The following CDH19 variants were observed in gnomAD, a reference collection of about 807,000 sequenced individuals.
CDH19 encodes the protein cadherin-19.
Under a neutral mutation model 64.2 loss-of-function variants are expected in CDH19, and 67 were observed. That is an observed-to-expected ratio of 1.04 (90% CI 0.86 to 1.28). The LOEUF (loss-of-function observed/expected upper bound fraction) is 1.28, where lower values mean the gene tolerates loss of function less well. Ranked by LOEUF, CDH19 falls within the 50% of genes most tolerant of loss-of-function variation. The probability of loss-of-function intolerance (pLI) is 0.00; values close to 1 mark genes in which losing one functional copy is unlikely to be tolerated. For synonymous variants in CDH19, 346 were observed against 319.3 expected (o/e 1.08, Z -0.89); for missense variants, 1,030 against 929.0 (o/e 1.11, Z -1.41).
In CDH19 at chr18:66,511,637, G is replaced by A. The variant is rs1985491482; in HGVS notation, c.1507C>T (p.His503Tyr). 1 of 1,578,740 alleles carries A rather than the reference G, an allele frequency of 6.3e-7. No individual in the cohort carries two copies. ...AVDRDESIEE[H>Y]HFYFNLSVED... ...ACAGATAGATTAAAGTAAAAATGGT[G>A]CTCTTCTATGGATTCATCTCTATCC... The change falls in exon 10 of 12, where the codon CAC (histidine) becomes TAC (tyrosine). Residue 503 changes from histidine to tyrosine, a missense_variant. His to Tyr is a moderately conservative substitution (Grantham distance 83). Coordinates refer to ENST00000262150, the MANE Select transcript of CDH19 (RefSeq NM_021153.4).
intron 1 of CDH19, among the ~76,000 whole-genome samples, chr18:66,578,460 A>G (rs866828974): frequency 3.9e-5 from 6 of 152,036 alleles, no homozygotes; most frequent in Middle Eastern, 3.4e-3. Flanking sequence ...AATATAATTA[A>G]AAGACTGACC....
chr18:66,515,435 A>C (rs1309788459), intron 9 of CDH19, among the ~76,000 whole-genome samples: 6 of 151,812 alleles, frequency 4.0e-5, no homozygotes, highest in African/African-American at 7.2e-5. Flanking sequence ...ATAATACACT[A>C]ATAGAAGTAG....
intron 8 of CDH19, among the ~76,000 whole-genome samples, chr18:66,532,980 G>A (rs1986514370): frequency 6.6e-6 from 1 of 151,882 alleles, no homozygotes; most frequent in Admixed American, 6.6e-5. Flanking sequence ...CACATAAAAA[G>A]GTGAGATTTC....
At chr18:66,562,522 A>C (rs1277700309) in intron 3 of CDH19, among the ~76,000 whole-genome samples, 1 of 151,772 alleles carries the variant, frequency 6.6e-6, no homozygotes, top group Non-Finnish European at 1.5e-5. Context: ...CCTGCTGCTC[A>C]CCTCCTGCTG....
chr18:66,532,827 T>C, intron 8 of CDH19: 1 of 413,280 alleles, frequency 2.4e-6, no homozygotes, highest in Non-Finnish European at 4.8e-6. Context: ...ATAAAACCAC[T>C]TAGCAAATAC....
At chr18:66,596,105 T>A (rs888932898) in intron 1 of CDH19, 3 of 152,106 alleles carry the variant, frequency 2.0e-5, no homozygotes, top group Admixed American at 2.0e-4. Flanking sequence ...TCTGATAACA[T>A]TTAATATCTC....
chr18:66,597,407 C>T lies in CDH19; in HGVS notation c.-113+6547G>A, dbSNP rs181060349. On this transcript the variant is annotated intron_variant, in intron 1 of 11. Transcript: ENST00000262150. ...GCTGGGATAACTGGCTAGGCATATT[C>T]AGAAGATTTAAACTGGACCCCTTCC... Among the ~76,000 whole-genome samples, 381 of 152,096 alleles carry T rather than the reference C, an allele frequency of 2.5e-3. 1 individual carries two copies. The highest frequency in any genetic ancestry group is 8.9e-3 in the African/African-American group (368 of 41,508).
chr18:66,568,440 T>G lies in CDH19; in HGVS notation c.466A>C (p.Ile156Leu). ...CCTTCTGGAGACATCTCTGGTACAA[T>G]GGCCTCATAAGGTTCATCTAGGAAT... The part of the protein sequence containing the change: ...PKFLDEPYEA[I>L]VPEMSPEGTL... Residue 156 changes from isoleucine (I) to leucine (L), a missense_variant, in exon 3 of 12, where the codon ATT becomes CTT. Coordinates refer to ENST00000262150, the MANE Select transcript of CDH19 (RefSeq NM_021153.4). 1.2e-6 allele frequency: 2 copies of G among 1,611,644 alleles called. No homozygotes were observed. The highest frequency in any genetic ancestry group is 1.7e-6 in the Non-Finnish European group (2 of 1,178,526).
At chr18:66,517,558 G>A (rs1293114776) in intron 9 of CDH19, among the ~76,000 whole-genome samples, 2 of 151,856 alleles carry the variant, frequency 1.3e-5, no homozygotes, top group Non-Finnish European at 1.5e-5. Context: ...CAAAAATTTT[G>A]TTTACCCACA....
chr18:66,512,813 T>G (rs2156354), intron 9 of CDH19, among the ~76,000 whole-genome samples: 35,182 of 151,288 alleles, frequency 0.23, 4,363 homozygotes, highest in Middle Eastern at 0.32. Flanking sequence ...GGGCAGGGGC[T>G]TGGAAACCCA....
chr18:66,547,661 G>GTTTTTTTTTT (rs71169155), intron 5 of CDH19, among the ~76,000 whole-genome samples: 1 of 80,148 alleles, frequency 1.2e-5, no homozygotes, highest in Non-Finnish European at 2.3e-5. Context: ...TGTGTGTTAG[G>GTTTTTTTTTT]TTTTTTTTTT....
chr18:66,571,407 T>C (rs77841075), intron 2 of CDH19, among the ~76,000 whole-genome samples: 2,222 of 151,802 alleles, frequency 0.015, 51 homozygotes, highest in African/African-American at 0.051. Context: ...GGACATGATA[T>C]TGTAATCACC....
intron 9 of CDH19, among the ~76,000 whole-genome samples, chr18:66,520,550 T>C (rs1276094886): frequency 6.6e-6 from 1 of 152,008 alleles, no homozygotes; most frequent in African/African-American, 2.4e-5. Context: ...GAAAATATTG[T>C]AAAGCATAAT....
chr18:66,592,037 T>C (rs966900693), intron 1 of CDH19, among the ~76,000 whole-genome samples: 1 of 151,860 alleles, frequency 6.6e-6, no homozygotes, highest in South Asian at 2.1e-4. Flanking sequence ...GAAATCAGCA[T>C]CCTGTTGAAA....
intron 3 of CDH19, among the ~76,000 whole-genome samples, chr18:66,560,959 A>G (rs557753): frequency 0.017 from 2,628 of 152,158 alleles, 77 homozygotes; most frequent in African/African-American, 0.06. Flanking sequence ...GAACATTAAT[A>G]AAATCTTTTT....
In CDH19 at chr18:66,599,168, A is replaced by G. The variant is rs886995778; in HGVS notation, c.-113+4786T>C. Among the ~76,000 whole-genome samples the G allele has an allele frequency of 2.0e-5, 3 of 152,114 alleles. No individual in the cohort carries two copies. The East Asian group carries it at 5.8e-4, about 29-fold the overall frequency. ...TCAGAGTATTTAATCATGAAAAGGT[A>G]TTGTCAACATAAAACGTGGTGCCAG... On this transcript the variant is annotated intron_variant, in intron 1 of 11. Coordinates refer to ENST00000262150, the MANE Select transcript of CDH19 (RefSeq NM_021153.4).
chr18:66,583,513 G>A (rs1048851323), intron 1 of CDH19, among the ~76,000 whole-genome samples: 8 of 151,988 alleles, frequency 5.3e-5, no homozygotes, highest in Admixed American at 3.3e-4. Context: ...CTCAGGTAGG[G>A]CCCAGTGTCT....
intron 9 of CDH19, among the ~76,000 whole-genome samples, chr18:66,527,606 C>T (rs1166112910): frequency 1.3e-5 from 2 of 151,918 alleles, no homozygotes; most frequent in East Asian, 1.9e-4. Flanking sequence ...AAAATTTAGC[C>T]GGGTGTGGTG....
intron 3 of CDH19, among the ~76,000 whole-genome samples, chr18:66,567,386 G>A (rs748829719): frequency 7.3e-5 from 11 of 151,322 alleles, no homozygotes; most frequent in African/African-American, 2.7e-4. Context: ...GGAGGGATGA[G>A]GAAGGTGAAC....
Sources: gnomAD v4.1 joint callset for allele counts (sites outside exome capture counted in the v4.1 genomes callset) on GRCh38, gnomAD v4.1.1 for gene constraint, MANE v1.5 for transcripts, NCBI Gene and HGNC (gene_info 2026-07-23, HGNC 2026-07-21) for gene names.